Variants in EPB41 observed in about 807,000 individuals in gnomAD.
EPB41 encodes the protein erythrocyte membrane protein band 4.1.
In EPB41, 65 loss-of-function variants were observed where a neutral mutation model predicts 108.0. The observed-to-expected ratio is 0.60, with a 90% CI of 0.49 to 0.74. The LOEUF is 0.74. EPB41 is among the 30% of genes least tolerant of loss of function. The pLI is 0.00. For missense variants in EPB41, 875 were observed against 1,037.0 expected (o/e 0.84, Z 2.15); for synonymous variants, 336 against 358.9 (o/e 0.94, Z 0.72).
intron 1 of EPB41, among the ~76,000 whole-genome samples, chr1:28,915,029 A>C (rs2092505922): frequency 6.6e-6 from 1 of 150,550 alleles, no homozygotes; most frequent in Admixed American, 6.6e-5. Flanking sequence ...GGAGTGTTGG[A>C]AAGTTAGGCT....
chr1:29,067,063 T>G (rs1467148745), intron 16 of EPB41, among the ~76,000 whole-genome samples: 1 of 151,560 alleles, frequency 6.6e-6, no homozygotes, highest in Non-Finnish European at 1.5e-5. Context: ...GTGATAAAAG[T>G]TGGTTCACAG....
chr1:29,087,640 C>G (rs190041684), intron 16 of EPB41, among the ~76,000 whole-genome samples: 4 of 151,942 alleles, frequency 2.6e-5, no homozygotes, highest in African/African-American at 9.7e-5. Context: ...GGATTGTAGG[C>G]GTGAGCCACT....
intron 1 of EPB41, among the ~76,000 whole-genome samples, chr1:28,970,519 C>G (rs991053065): frequency 3.3e-5 from 5 of 152,166 alleles, no homozygotes; most frequent in Admixed American, 6.6e-5. Context: ...ATTTTTAAGG[C>G]TAGTAAGCAT....
At chr1:29,034,893 T>C (rs1482257410) in intron 9 of EPB41, among the ~76,000 whole-genome samples, 1 of 151,898 alleles carries the variant, frequency 6.6e-6, no homozygotes, top group African/African-American at 2.4e-5. Context: ...ATAATAAGTG[T>C]GTCAGGTAAT....
intron 17 of EPB41, 24 bp downstream of exon 17, chr1:29,097,959 G>C: frequency 1.9e-6 from 3 of 1,613,910 alleles, no homozygotes; most frequent in Non-Finnish European, 2.5e-6. Context: ...TGATGCTTCA[G>C]AACCAAAGGC....
At chr1:28,985,830 A>T (rs998970497) in intron 1 of EPB41, 4 of 151,782 alleles carry the variant, frequency 2.6e-5, no homozygotes, top group Non-Finnish European at 5.9e-5. Context: ...TTTTTATTTT[A>T]AAATTTTTTT....
intron 2 of EPB41, among the ~76,000 whole-genome samples, chr1:28,991,427 A>C (rs2149580164): frequency 6.6e-6 from 1 of 151,994 alleles, no homozygotes; most frequent in South Asian, 2.1e-4. Context: ...TTTGGGGCTG[A>C]GTGTGGTGGC....
intron 1 of EPB41, among the ~76,000 whole-genome samples, chr1:28,984,196 G>GGGGTGA (rs1313384026): frequency 2.0e-5 from 3 of 152,144 alleles, no homozygotes; most frequent in Non-Finnish European, 4.4e-5. Flanking sequence ...GGCACAGGAT[G>GGGGTGA]GGGTGAGGTG....
At chr1:28,937,196 C>T (rs2094069400) in intron 1 of EPB41, among the ~76,000 whole-genome samples, 1 of 152,074 alleles carries the variant, frequency 6.6e-6, no homozygotes, top group African/African-American at 2.4e-5. Flanking sequence ...GTGCTATTGG[C>T]CATTTGTGTA....
At position 28,887,313 on chromosome 1, in the gene EPB41, G is replaced by T; in HGVS notation, c.-8+103G>T. 8.3e-7 allele frequency: 1 copy of T among 1,208,022 alleles called. No individual in the cohort carries two copies. The highest frequency in any genetic ancestry group is 1.1e-6 in the Non-Finnish European group (1 of 950,116). The allele number at this position is 1,208,022 out of a possible 1,614,324, so 74.8% of individuals were successfully genotyped here. ...GGGCTCGGACCGTCCCGGGAGAGGCGAGACCAGGGTCGAAGGGTCCAGGGC... is the reference window on the plus strand; with the variant it reads ...GGGCTCGGACCGTCCCGGGAGAGGCTAGACCAGGGTCGAAGGGTCCAGGGC... On this transcript the variant is annotated intron_variant, in intron 1 of 16. Coordinates refer to the EPB41 transcript ENST00000347529. The surrounding 1 kb of genome is among the most constrained non-coding windows in gnomAD (Gnocchi z 4.9).
At chr1:29,096,625 G>A in intron 16 of EPB41, 1 of 978,860 alleles carries the variant, frequency 1.0e-6, no homozygotes, top group Middle Eastern at 5.2e-4. Flanking sequence ...ATTCAATGAT[G>A]CAGGTCTAAT....
intron 11 of EPB41, among the ~76,000 whole-genome samples, chr1:29,051,923 A>G (rs1409590239): frequency 6.6e-6 from 1 of 152,140 alleles, no homozygotes; most frequent in Non-Finnish European, 1.5e-5. Flanking sequence ...GTCTCAGTAC[A>G]AAAGAGGATA....
chr1:29,001,149 G>A (rs545929819), intron 4 of EPB41, among the ~76,000 whole-genome samples: 5 of 152,254 alleles, frequency 3.3e-5, no homozygotes, highest in East Asian at 1.9e-4. Flanking sequence ...GGCCAACATT[G>A]TGAAACCACA....
chr1:29,020,393 A>C (rs1268474047), intron 7 of EPB41, among the ~76,000 whole-genome samples: 1 of 152,188 alleles, frequency 6.6e-6, no homozygotes, highest in East Asian at 1.9e-4. Flanking sequence ...ACATATATAA[A>C]AAATAGGGAC....
Position 28,887,958 on chromosome 1 carries a change from T to G in EPB41, c.-8+748T>G, listed in dbSNP as rs1323539837. Among the ~76,000 whole-genome samples the G allele has an allele frequency of 1.3e-5, 2 of 152,236 alleles. No homozygotes were observed. Among genetic ancestry groups the G allele is most frequent in the African/African-American group, 4.8e-5 (2 of 41,462 alleles). On this transcript the variant is annotated intron_variant, in intron 1 of 16. Transcript: ENST00000347529. This position sits in a 1 kb window ranked among gnomAD's most constrained non-coding sequence, Gnocchi z 4.9. ...TCTTTTCCTGTCTCTGTCCTCTGTC[T>G]TTCCTCAAGAATTGTCTCGCCCTCA...
Position 29,101,655 on chromosome 1 carries a change from G to A in EPB41, c.2313+3720G>A, listed in dbSNP as rs117680857. Among the ~76,000 whole-genome samples, 1,501 of 152,162 alleles carry A rather than the reference G, an allele frequency of 9.9e-3. 63 individuals carry two copies. The East Asian group carries it at 0.12, about 12-fold the overall frequency. On this transcript the variant is annotated intron_variant, in intron 17 of 20. Coordinates refer to ENST00000343067, the MANE Select transcript of EPB41 (RefSeq NM_001376013.1). The stretch of plus-strand genomic sequence containing the variant: ...TGCATTCCAGCCTGGGTGAAAGAGC[G>A]AGCGTCCATCTCAAAAATAAATAAG...
At chr1:28,952,703 A>G (rs970256283) in intron 1 of EPB41, among the ~76,000 whole-genome samples, 2 of 152,188 alleles carry the variant, frequency 1.3e-5, no homozygotes, top group Non-Finnish European at 2.9e-5. Flanking sequence ...TAGGTTATCA[A>G]TTATGTGTAT....
At chr1:28,957,098 C>T (rs1021515919) in intron 1 of EPB41, among the ~76,000 whole-genome samples, 3 of 152,228 alleles carry the variant, frequency 2.0e-5, no homozygotes, top group Non-Finnish European at 2.9e-5. Context: ...TGTTTTGAAG[C>T]TTTTGCATTA....
At chr1:29,034,153 T>G (rs1638498891) in intron 9 of EPB41, among the ~76,000 whole-genome samples, 1 of 152,242 alleles carries the variant, frequency 6.6e-6, no homozygotes, top group Non-Finnish European at 1.5e-5. Flanking sequence ...ATAATTATTT[T>G]ACCTATGCCT....
Sources: gnomAD v4.1 joint callset for allele counts (sites outside exome capture counted in the v4.1 genomes callset) on GRCh38, gnomAD v4.1.1 for gene constraint, Gnocchi (gnomAD v3.1) non-coding constraint, MANE v1.5 for transcripts, NCBI Gene and HGNC (gene_info 2026-07-23, HGNC 2026-07-21) for gene names.